The following LHFPL2 variants were observed in gnomAD, a reference collection of about 807,000 sequenced individuals.
LHFPL2 encodes LHFPL tetraspan subfamily member 2, also known as LHFPL tetraspan subfamily member 2 protein.
Under a neutral mutation model 17.5 loss-of-function variants are expected in LHFPL2, and 7 were observed. That is an observed-to-expected ratio of 0.40 (90% confidence interval 0.23 to 0.75). LHFPL2 has a LOEUF of 0.75. Ranked by LOEUF, LHFPL2 falls within the 30% of genes least tolerant of loss-of-function variation. LHFPL2 has a pLI of 0.37. For missense variants in LHFPL2, 241 were observed against 294.8 expected (o/e 0.82, Z 1.34); for synonymous variants, 134 against 116.2 (o/e 1.15, Z -0.99).
At chr5:78,572,511 T>C (rs59761151) in intron 2 of LHFPL2, among the ~76,000 whole-genome samples, 35 of 54,914 alleles carry the variant, frequency 6.4e-4, no homozygotes, top group South Asian at 3.2e-3. Context: ...TATATATATA[T>C]ACACACACAT....
At chr5:78,501,962 G>T (rs1434418249) in intron 4 of LHFPL2, among the ~76,000 whole-genome samples, 1 of 151,306 alleles carries the variant, frequency 6.6e-6, no homozygotes, top group Non-Finnish European at 1.5e-5. Context: ...ACAAGCAAGA[G>T]AAAAAGGGAA....
chr5:78,638,988 A>G (rs1745564923), intron 1 of LHFPL2, among the ~76,000 whole-genome samples: 1 of 152,256 alleles, frequency 6.6e-6, no homozygotes, highest in Non-Finnish European at 1.5e-5. Context: ...TAAAACATTC[A>G]AGTTTTGTTG....
chr5:78,486,466 T>TAAAC lies in LHFPL2; in HGVS notation c.*2427_*2430dup, dbSNP rs1490958743. 3.3e-5 allele frequency: 5 copies of TAAAC among 152,236 alleles called. No homozygotes were observed. Among genetic ancestry groups the TAAAC allele is most frequent in the Non-Finnish European group, 5.9e-5 (4 of 68,028 alleles). 9.4% of individuals were successfully genotyped at this position (152,236 alleles called of 1,614,324 possible). A position where few individuals can be genotyped will look rare whatever the true frequency, so the allele number is the denominator to read the frequency against. ...CATATTCCTCATACCCAGTGGTTTT[T>TAAAC]AAACAGCTGTGTGGAAGAGCATGGT... On this transcript the variant is annotated 3_prime_UTR_variant, in exon 5 of 5. Transcript: ENST00000380345.
intron 2 of LHFPL2, among the ~76,000 whole-genome samples, chr5:78,606,700 A>G (rs951721540): frequency 3.9e-5 from 6 of 152,172 alleles, no homozygotes; most frequent in Non-Finnish European, 7.3e-5. Flanking sequence ...TTTTTTTGAC[A>G]GTCTTGCTCT....
In LHFPL2 at chr5:78,510,371, G is replaced by T; in HGVS notation, c.-158C>A. ...CGTTCATGCTGGGGACAGCGCTCCCGGACCCAGAGCACCGCCTGCGGCCTC... is the reference window on the plus strand; with the variant it reads ...CGTTCATGCTGGGGACAGCGCTCCCTGACCCAGAGCACCGCCTGCGGCCTC... On this transcript the variant is annotated 5_prime_UTR_variant, in exon 4 of 5. Transcript: ENST00000380345. 1 of 737,158 alleles carries T rather than the reference G, an allele frequency of 1.4e-6. No individual in the cohort carries two copies. The highest frequency in any genetic ancestry group is 2.2e-6 in the Non-Finnish European group (1 of 463,382). The allele number at this position is 737,158 out of a possible 1,614,324, so 45.7% of individuals were successfully genotyped here.
intron 3 of LHFPL2, among the ~76,000 whole-genome samples, chr5:78,523,736 C>T (rs1047930810): frequency 1.1e-4 from 16 of 152,126 alleles, no homozygotes; most frequent in Non-Finnish European, 2.4e-4. Flanking sequence ...TCAGTCTTGC[C>T]GTGGCCCGAG....
chr5:78,561,728 C>T (rs944738574), intron 3 of LHFPL2, among the ~76,000 whole-genome samples: 8 of 152,136 alleles, frequency 5.3e-5, no homozygotes, highest in African/African-American at 1.7e-4. Flanking sequence ...TTCTGTATGC[C>T]CCAGTCTTCA....
intron 2 of LHFPL2, among the ~76,000 whole-genome samples, chr5:78,574,965 T>C (rs1287266699): frequency 6.6e-6 from 1 of 152,198 alleles, no homozygotes; most frequent in Non-Finnish European, 1.5e-5. Context: ...AGAGAGACTC[T>C]GGCCCAAAGT....
chr5:78,535,252 C>T (rs1179656107), intron 3 of LHFPL2, among the ~76,000 whole-genome samples: 4 of 152,106 alleles, frequency 2.6e-5, no homozygotes, highest in African/African-American at 9.7e-5. Flanking sequence ...CTACGCTGAG[C>T]GCCCACGTAG....
chr5:78,568,851 G>A (rs1179733448), intron 2 of LHFPL2, among the ~76,000 whole-genome samples: 1 of 152,172 alleles, frequency 6.6e-6, no homozygotes, highest in Non-Finnish European at 1.5e-5. Flanking sequence ...AGGACACTCT[G>A]CAATTCATTT....
chr5:78,485,893 A>T lies in LHFPL2; in HGVS notation c.*3004T>A, dbSNP rs897457653. Reference sequence around the variant, plus strand: ...GATTTCATACCAGTCTTTTCTTCACATAAGATTTGTGTAGCATTAAAATTA... The same window carrying T: ...GATTTCATACCAGTCTTTTCTTCACTTAAGATTTGTGTAGCATTAAAATTA... On this transcript the variant is annotated 3_prime_UTR_variant, in exon 5 of 5. Coordinates refer to ENST00000380345, the MANE Select transcript of LHFPL2 (RefSeq NM_005779.3). 6.6e-6 allele frequency: 1 copy of T among 152,628 alleles called. No homozygotes were observed. The highest frequency in any genetic ancestry group is 1.5e-5 in the Non-Finnish European group (1 of 68,042). The allele number at this position is 152,628 out of a possible 1,614,324, so 9.5% of individuals were successfully genotyped here.
At chr5:78,607,439 T>C (rs10052968) in intron 2 of LHFPL2, among the ~76,000 whole-genome samples, 19,856 of 152,274 alleles carry the variant, frequency 0.13, 1,646 homozygotes, top group Middle Eastern at 0.22. Flanking sequence ...TACCATAGGT[T>C]TGTATTTCGC....
At chr5:78,587,899 T>A (rs906954437) in intron 2 of LHFPL2, among the ~76,000 whole-genome samples, 1 of 152,240 alleles carries the variant, frequency 6.6e-6, no homozygotes, top group Non-Finnish European at 1.5e-5. Flanking sequence ...AGAAGCCTTA[T>A]GGCTCTGGAG....
At position 78,510,092 on chromosome 5, in the gene LHFPL2, C is replaced by A. The variant is rs770172580; in HGVS notation, c.122G>T (p.Arg41Leu). 4 of 1,612,606 alleles carry A rather than the reference C, an allele frequency of 2.5e-6. No individual in the cohort carries two copies. In the African/African-American group the frequency reaches 5.3e-5, roughly 22 times the overall value. ...ADWLIGKARS[R>L]GGVEPAGPGG... ...CGGGCCCGCCGGCTCCACGCCGCCG[C>A]GGCTCCTCGCTTTCCCGATCAGCCA... The change falls in exon 4 of 5, where the codon CGC becomes CTC. Residue 41 changes from arginine to leucine, a missense_variant. Arg to Leu is a moderately radical substitution (Grantham distance 102). Coordinates refer to ENST00000380345, the MANE Select transcript of LHFPL2 (RefSeq NM_005779.3).
chr5:78,525,542 C>CA (rs1474853794), intron 3 of LHFPL2, among the ~76,000 whole-genome samples: 1 of 152,130 alleles, frequency 6.6e-6, no homozygotes, highest in Non-Finnish European at 1.5e-5. Context: ...GTACAGGGCA[C>CA]AAAGGCTAGT....
At chr5:78,584,995 GTTTTTTTTTTT>G (rs1163195083) in intron 2 of LHFPL2, among the ~76,000 whole-genome samples, 3 of 40,528 alleles carry the variant, frequency 7.4e-5, no homozygotes, top group South Asian at 7.8e-4. Flanking sequence ...GGTGCGCTGT[GTTTTTTTTTTT>G]TTTTTTTTTT....
intron 2 of LHFPL2, among the ~76,000 whole-genome samples, chr5:78,593,936 C>A (rs1400103767): frequency 6.6e-6 from 1 of 152,186 alleles, no homozygotes; most frequent in East Asian, 1.9e-4. Context: ...CATTCCTATT[C>A]GTCTTCAAGG....
At chr5:78,645,658 C>T (rs965572459) in intron 1 of LHFPL2, among the ~76,000 whole-genome samples, 2 of 152,164 alleles carry the variant, frequency 1.3e-5, no homozygotes, top group East Asian at 3.9e-4. Context: ...TCTCAGCTCG[C>T]TGTAACCTCC....
At chr5:78,641,822 C>G (rs1266617648) in intron 1 of LHFPL2, among the ~76,000 whole-genome samples, 2 of 151,798 alleles carry the variant, frequency 1.3e-5, no homozygotes, top group African/African-American at 4.8e-5. Flanking sequence ...TAGACATACA[C>G]AAAACTAGTT....
Sources: allele counts gnomAD v4.1 joint callset (sites outside exome capture counted in the v4.1 genomes callset), GRCh38; gene constraint gnomAD v4.1.1; transcripts MANE v1.5; gene names NCBI Gene and HGNC (gene_info 2026-07-23, HGNC 2026-07-21).